The following KDM5B variants were observed in gnomAD, a reference collection of about 807,000 sequenced individuals.
KDM5B encodes lysine-specific demethylase 5B.
KDM5B carries 144 observed loss-of-function variants against 193.4 expected under a neutral mutation model. The ratio of observed to expected loss-of-function variants is 0.74; its 90% CI spans 0.65 to 0.86. KDM5B has a LOEUF of 0.86. KDM5B is among the 40% of genes least tolerant of loss of function. The pLI is 0.00. For missense variants in KDM5B, 1,833 were observed against 1,886.9 expected, an observed-to-expected ratio of 0.97 and a Z score of 0.53; for synonymous variants, 668 against 682.6, an observed-to-expected ratio of 0.98 and a Z score of 0.33.
intron 1 of KDM5B, among the ~76,000 whole-genome samples, chr1:202,788,330 TAGGCCATGGTG>T (rs1338300790): frequency 2.6e-5 from 4 of 152,204 alleles, no homozygotes; most frequent in Non-Finnish European, 4.4e-5. Flanking sequence ...CTTTTACAGA[TAGGCCATGGTG>T]AAAGCTATCA....
At chr1:202,742,260 G>C (rs1027862790) in intron 18 of KDM5B, 131 bp downstream of exon 18, 1 of 635,622 alleles carries the variant, frequency 1.6e-6, no homozygotes. Flanking sequence ...CCACTCAATA[G>C]GTTATTAAAA....
intron 20 of KDM5B, among the ~76,000 whole-genome samples, chr1:202,739,671 T>C (rs995711242): frequency 6.6e-6 from 1 of 152,122 alleles, no homozygotes; most frequent in Non-Finnish European, 1.5e-5. Context: ...GGAGTGGTGA[T>C]GATTCTTAAT....
Position 202,731,844 on chromosome 1 carries a change from A to G in KDM5B, c.4005T>C (p.Ser1335=), listed in dbSNP as rs755474431. 2 of 1,611,300 alleles carry G rather than the reference A, an allele frequency of 1.2e-6. No homozygotes were observed. Among genetic ancestry groups the G allele is most frequent in the Non-Finnish European group, 1.7e-6 (2 of 1,177,484 alleles). ...YLHSPFSTGR[S]CIPLHGVSPE... ...AATACAAACCATGGAGGGGGATACA[A>G]CTTCGTCCAGTTGAGAAGGGGGAGT... is the stretch of plus-strand genomic sequence containing the variant. The change falls in exon 24 of 27, where the codon AGT becomes AGC. Residue 1335 remains serine, a synonymous_variant. Transcript: ENST00000367265.
chr1:202,755,594 C>A, intron 10 of KDM5B, 142 bp from the exon 11 acceptor site: 1 of 650,004 alleles, frequency 1.5e-6, no homozygotes, highest in African/African-American at 1.8e-5. Flanking sequence ...TCTAGGATGC[C>A]CAGAGATTCG....
intron 8 of KDM5B, among the ~76,000 whole-genome samples, chr1:202,759,640 T>A (rs942580785): frequency 2.0e-5 from 3 of 151,924 alleles, no homozygotes; most frequent in African/African-American, 7.3e-5. Context: ...AAAACATCAG[T>A]AATCACAGTG....
At position 202,773,236 on chromosome 1, in the gene KDM5B, G is replaced by A; in HGVS notation, c.458C>T (p.Thr153Ile). ...AAACCCCATCTTGGTAGCAATTTTG[G>A]TCCATTTTCTATCCTTGCAAACAAC... ...FAVVCKDRKW[T>I]KIATKMGFAP... is the part of the protein sequence containing the mutation. Residue 153 changes from threonine to isoleucine, a missense_variant, in exon 4 of 27, where the codon ACC becomes ATC. Physicochemically the swap from Thr to Ile is moderately conservative, Grantham distance 89 (BLOSUM62 -1). Around this residue, in one of 3 missense-constraint regions of KDM5B, gnomAD observed 355 missense variants for 374.9 expected, o/e 0.95. Coordinates refer to ENST00000367265, the MANE Select transcript of KDM5B (RefSeq NM_006618.5). The A allele has an allele frequency of 6.2e-7, 1 of 1,614,066 alleles. No homozygotes were observed. Among genetic ancestry groups the A allele is most frequent in the East Asian group, 2.2e-5 (1 of 44,882 alleles).
At position 202,745,958 on chromosome 1, in the gene KDM5B, G is replaced by C. The variant is rs748268957; in HGVS notation, c.2223C>G (p.Leu741=). ...KLRYRYTLDD[L]YPMMNALKLR... The stretch of plus-strand genomic sequence containing the variant: ...GCTTCAATGCATTCATCATAGGGTA[G>C]AGATCATCCAGCGTGTACCTATACC... Residue 741 remains leucine, a synonymous_variant, in exon 16 of 27, where the codon CTC becomes CTG. Transcript: ENST00000367265. The C allele has an allele frequency of 2.5e-6, 4 of 1,613,684 alleles. No homozygotes were observed. Among genetic ancestry groups the C allele is most frequent in the Middle Eastern group, 1.6e-4 (1 of 6,082 alleles).
chr1:202,734,248 C>A (rs1024108340), intron 22 of KDM5B, among the ~76,000 whole-genome samples: 1 of 140,634 alleles, frequency 7.1e-6, no homozygotes, highest in East Asian at 2.1e-4. Flanking sequence ...CACGATTCAC[C>A]AGATGAAGCA....
chr1:202,729,964 G>C lies in KDM5B; in HGVS notation c.4240C>G (p.Leu1414Val). The C allele has an allele frequency of 6.2e-7, 1 of 1,613,924 alleles. No individual in the cohort carries two copies. Among genetic ancestry groups the C allele is most frequent in the Non-Finnish European group, 8.5e-7 (1 of 1,179,986 alleles). Residue 1414 changes from leucine to valine, a missense_variant, in exon 26 of 27, where the codon CTG (leucine) becomes GTG (valine). Leu to Val is a conservative substitution (Grantham distance 32). Transcript: ENST00000367265. ...TCACTGGAGAGGCCCTCTCTTTCCAGGCGTCTCTTCAGTTTTCTCTCAAGA... is the reference window on the plus strand; with the variant it reads ...TCACTGGAGAGGCCCTCTCTTTCCACGCGTCTCTTCAGTTTTCTCTCAAGA... The part of the protein sequence containing the change: ...NSLERKLKRR[L>V]EREGLSSERW...
intron 16 of KDM5B, 30 bp downstream of exon 16, chr1:202,745,828 A>C (rs768911678): frequency 1.2e-6 from 2 of 1,613,132 alleles, no homozygotes; most frequent in South Asian, 2.2e-5. Context: ...CCAATTTGCC[A>C]ATCACCAAGT....
Position 202,729,877 on chromosome 1 carries a change from G to T in KDM5B, c.4327C>A (p.Pro1443Thr), listed in dbSNP as rs140211808. The change falls in exon 26 of 27, where the codon CCC (proline) becomes ACC (threonine). Residue 1443 changes from proline to threonine, a missense_variant. Pro to Thr is a conservative substitution (Grantham distance 38). Around this residue, in one of 3 missense-constraint regions of KDM5B, gnomAD observed 1,379 missense variants for 1,349.6 expected, o/e 1.02. Transcript: ENST00000367265. The stretch of plus-strand genomic sequence containing the variant: ...AACTTGAAATTGTTCATGTCCTTGG[G>T]GTGGCTCAGTTTGATTTTCTTCTTT... ...PKKKKIKLSH[P>T]KDMNNFKLER... 6.2e-7 allele frequency: 1 copy of T among 1,614,098 alleles called. No individual in the cohort carries two copies. The highest frequency in any genetic ancestry group is 1.7e-4 in the Middle Eastern group (1 of 6,060).
At chr1:202,804,837 C>A (rs1045096739) in intron 1 of KDM5B, among the ~76,000 whole-genome samples, 1 of 143,276 alleles carries the variant, frequency 7.0e-6, no homozygotes, top group African/African-American at 2.5e-5. Context: ...GCACTCCAGG[C>A]CTGGGCAACA....
chr1:202,789,394 G>A (rs934242862), intron 1 of KDM5B, among the ~76,000 whole-genome samples: 9 of 150,790 alleles, frequency 6.0e-5, no homozygotes, highest in Middle Eastern at 3.4e-3. Flanking sequence ...GGTGGTGGGC[G>A]CCTATAATCC....
chr1:202,735,951 GTTTAAGAGTCCAA>G (rs1412420720), intron 21 of KDM5B, among the ~76,000 whole-genome samples: 1 of 152,206 alleles, frequency 6.6e-6, no homozygotes, highest in Non-Finnish European at 1.5e-5. Flanking sequence ...GCACGGCCAA[GTTTAAGAGTCCAA>G]TTTCAACACA....
At position 202,760,462 on chromosome 1, in the gene KDM5B, G is replaced by A. The variant is rs759949476; in HGVS notation, c.1030C>T (p.His344Tyr). 6.2e-7 allele frequency: 1 copy of A among 1,613,640 alleles called. No homozygotes were observed. The highest frequency in any genetic ancestry group is 8.5e-7 in the Non-Finnish European group (1 of 1,179,728). The part of the protein sequence containing the change: ...YHTFCLIPPL[H>Y]DVPKGDWRCP... The stretch of plus-strand genomic sequence containing the variant: ...CTCCAGTCTCCCTTGGGAACATCAT[G>A]GAGAGGTGGGATCAAGCAAAAGGTA... Residue 344 changes from histidine (H) to tyrosine (Y), a missense_variant, in exon 8 of 27, where the codon CAT (histidine) becomes TAT (tyrosine). Coordinates refer to ENST00000367265, the MANE Select transcript of KDM5B (RefSeq NM_006618.5).
intron 16 of KDM5B, among the ~76,000 whole-genome samples, chr1:202,745,414 A>C (rs1655514321): frequency 6.6e-6 from 1 of 152,220 alleles, no homozygotes; most frequent in African/African-American, 2.4e-5. Flanking sequence ...AGGTAATGAC[A>C]AGTGCCAGGG....
chr1:202,742,358 A>G (rs766494797), intron 18 of KDM5B, 33 bp downstream of exon 18: 2 of 1,447,484 alleles, frequency 1.4e-6, no homozygotes, highest in Non-Finnish European at 1.9e-6. Flanking sequence ...CAGGATTACC[A>G]AAGTATTCTC....
chr1:202,737,540 A>G (rs1422805342), intron 20 of KDM5B, among the ~76,000 whole-genome samples: 1 of 152,236 alleles, frequency 6.6e-6, no homozygotes, highest in Admixed American at 6.5e-5. Flanking sequence ...GGTCATCCAG[A>G]TATATCTCCT....
At chr1:202,799,895 A>C (rs1658004512) in intron 1 of KDM5B, among the ~76,000 whole-genome samples, 1 of 152,212 alleles carries the variant, frequency 6.6e-6, no homozygotes, top group South Asian at 2.1e-4. Context: ...TCAAGGAAGC[A>C]GGGAGAAGTC....
Sources: allele counts gnomAD v4.1 joint callset (sites outside exome capture counted in the v4.1 genomes callset), GRCh38; gene constraint gnomAD v4.1.1; regional missense constraint gnomAD v4.1.1; transcripts MANE v1.5; gene names NCBI Gene and HGNC (gene_info 2026-07-23, HGNC 2026-07-21).